FHL2: variants seen among roughly 807,000 people sequenced by gnomAD.
FHL2 encodes the protein four and a half LIM domains 2.
FHL2 carries 20 observed loss-of-function variants against 32.7 expected under a neutral mutation model. The observed-to-expected ratio is 0.61, with a 90% CI of 0.43 to 0.89. The LOEUF is 0.89. Among genes scored for constraint, FHL2 ranks in the 40% least tolerant of loss-of-function variants. The pLI is 0.00. For missense variants in FHL2, 311 were observed against 358.6 expected (o/e 0.87, Z 1.07); for synonymous variants, 123 against 128.1 (o/e 0.96, Z 0.27).
intron 1 of FHL2, among the ~76,000 whole-genome samples, chr2:105,421,010 C>T: frequency 6.6e-6 from 1 of 152,168 alleles, no homozygotes; most frequent in East Asian, 1.9e-4. Context: ...TCCATCCACA[C>T]CATGAGAATG....
intron 3 of FHL2, among the ~76,000 whole-genome samples, chr2:105,383,494 C>A (rs1379390351): frequency 1.3e-5 from 2 of 152,200 alleles, no homozygotes; most frequent in Non-Finnish European, 2.9e-5. Context: ...ATATAACAGG[C>A]TCTGAAGTCT....
chr2:105,403,529 C>G (rs1264587652), upstream of FHL2, among the ~76,000 whole-genome samples: 2 of 152,160 alleles, frequency 1.3e-5, no homozygotes, highest in South Asian at 2.1e-4. Flanking sequence ...GAAAAGACTT[C>G]CTGCGGCTAG....
chr2:105,369,498 T>C (rs1324429260), intron 4 of FHL2, among the ~76,000 whole-genome samples: 1 of 152,134 alleles, frequency 6.6e-6, no homozygotes, highest in Non-Finnish European at 1.5e-5. Flanking sequence ...GCAGGGTGTG[T>C]GTTGGGGGGC....
chr2:105,391,524 G>A (rs927100714), intron 2 of FHL2, among the ~76,000 whole-genome samples: 1 of 152,142 alleles, frequency 6.6e-6, no homozygotes, highest in Non-Finnish European at 1.5e-5. Flanking sequence ...CAGGAAGATG[G>A]AAGACCCAGT....
intron 1 of FHL2, among the ~76,000 whole-genome samples, chr2:105,420,702 A>G (rs1684075143): frequency 6.6e-6 from 1 of 152,142 alleles, no homozygotes; most frequent in Non-Finnish European, 1.5e-5. Context: ...GGTGGGGGGC[A>G]GAGGGTTTCA....
upstream of FHL2, among the ~76,000 whole-genome samples, chr2:105,401,209 A>G: frequency 6.6e-6 from 1 of 152,282 alleles, no homozygotes; most frequent in East Asian, 1.9e-4. Flanking sequence ...TAGGGGTGAT[A>G]ATGTGATTAC....
intron 2 of FHL2, 52 bp from the exon 3 acceptor site, chr2:105,386,592 G>C: frequency 6.5e-7 from 1 of 1,542,772 alleles, no homozygotes; most frequent in South Asian, 1.1e-5. Flanking sequence ...TCTGAAAGGG[G>C]TGCACGCAAA....
chr2:105,409,865 T>C (rs1417309242), intron 1 of FHL2, among the ~76,000 whole-genome samples: 3 of 152,204 alleles, frequency 2.0e-5, no homozygotes, highest in Non-Finnish European at 4.4e-5. Flanking sequence ...CCTGGGAAAC[T>C]TGCCCTAGCA....
chr2:105,369,459 G>A (rs552808007), intron 4 of FHL2, among the ~76,000 whole-genome samples: 2 of 152,270 alleles, frequency 1.3e-5, no homozygotes, highest in South Asian at 4.1e-4. Context: ...GTACTTCCAA[G>A]ACCAGACATT....
At position 105,389,718 on chromosome 2, in the gene FHL2, G is replaced by A. The variant is rs78616340; in HGVS notation, c.-24-3178C>T. ...AACTCCCAGTCTAACTTGAAAGGCCGTCTGTGTGGGTCAGGACAAGCACCA... is the reference window on the plus strand; with the variant it reads ...AACTCCCAGTCTAACTTGAAAGGCCATCTGTGTGGGTCAGGACAAGCACCA... On this transcript the variant is annotated intron_variant, in intron 2 of 6. Transcript: ENST00000530340. Among the ~76,000 whole-genome samples, 1,348 of 152,308 alleles carry A rather than the reference G, an allele frequency of 8.9e-3. 15 individuals carry two copies. Among genetic ancestry groups the A allele is most frequent in the East Asian group, 0.036 (186 of 5,176 alleles).
At chr2:105,421,411 A>G (rs976052903) in intron 1 of FHL2, among the ~76,000 whole-genome samples, 5 of 152,190 alleles carry the variant, frequency 3.3e-5, no homozygotes, top group South Asian at 2.1e-4. Flanking sequence ...AGAAGGCCCA[A>G]TGCCTGAAGT....
intron 2 of FHL2, among the ~76,000 whole-genome samples, 158 bp downstream of exon 2, chr2:105,396,487 CAA>C: frequency 6.6e-6 from 1 of 152,178 alleles, no homozygotes; most frequent in Admixed American, 6.5e-5. Flanking sequence ...ATTCATATGT[CAA>C]TCTCATCCAA....
chr2:105,397,492 T>A (rs1402825884), intron 1 of FHL2, among the ~76,000 whole-genome samples: 1 of 152,072 alleles, frequency 6.6e-6, no homozygotes, highest in Non-Finnish European at 1.5e-5. Flanking sequence ...GGATGTAAAT[T>A]TAGGCAGCCT....
chr2:105,378,992 A>G (rs1681682164), intron 3 of FHL2, among the ~76,000 whole-genome samples: 1 of 152,130 alleles, frequency 6.6e-6, no homozygotes, highest in Non-Finnish European at 1.5e-5. Flanking sequence ...CCCACAGTCC[A>G]CATCTCTTGT....
Position 105,437,598 on chromosome 2 carries a change from G to A in FHL2, c.-25+801C>T, listed in dbSNP as rs191188927. On this transcript the variant is annotated intron_variant, in intron 1 of 5. Coordinates refer to the FHL2 transcript ENST00000393352. ...TATCTTTGGACGTCAGAATAATTTA[G>A]AAAAATAAACTGGACTGACAACTTT... is the stretch of plus-strand genomic sequence containing the variant. Among the ~76,000 whole-genome samples the A allele has an allele frequency of 3.3e-5, 5 of 152,254 alleles. No individual in the cohort carries two copies. The East Asian group carries it at 7.7e-4, about 23-fold the overall frequency.
chr2:105,424,297 C>G (rs935744383), intron 1 of FHL2, among the ~76,000 whole-genome samples: 5 of 152,188 alleles, frequency 3.3e-5, no homozygotes, highest in Non-Finnish European at 7.3e-5. Flanking sequence ...CACTGGCCAT[C>G]AGAGAAACGC....
intron 1 of FHL2, among the ~76,000 whole-genome samples, chr2:105,407,293 G>A (rs1009346131): frequency 1.3e-5 from 2 of 151,538 alleles, no homozygotes; most frequent in Non-Finnish European, 2.9e-5. Flanking sequence ...TCAGGAGGCT[G>A]AGGCAGGAGA....
chr2:105,422,065 T>C (rs532983781), intron 1 of FHL2, among the ~76,000 whole-genome samples: 1 of 152,294 alleles, frequency 6.6e-6, no homozygotes, highest in Admixed American at 6.5e-5. Context: ...TGGAGGGCAG[T>C]CCTTCCCCAC....
chr2:105,389,258 G>A (rs1442202028), intron 2 of FHL2, among the ~76,000 whole-genome samples: 1 of 152,176 alleles, frequency 6.6e-6, no homozygotes, highest in Non-Finnish European at 1.5e-5. Flanking sequence ...TTATTCTGAA[G>A]CCCAACGTAT....
Sources: gnomAD v4.1 joint callset for allele counts (sites outside exome capture counted in the v4.1 genomes callset) on GRCh38, gnomAD v4.1.1 for gene constraint, MANE v1.5 for transcripts, NCBI Gene and HGNC (gene_info 2026-07-23, HGNC 2026-07-21) for gene names.